The following CNTNAP3B variants were observed in gnomAD, a reference collection of about 807,000 sequenced individuals.
CNTNAP3B encodes contactin-associated protein-like 3B.
In CNTNAP3B, 25 loss-of-function variants were observed where a neutral mutation model predicts 108.9. The ratio of observed to expected loss-of-function variants is 0.23; its 90% CI spans 0.17 to 0.32. CNTNAP3B has a LOEUF of 0.32. CNTNAP3B is among the 10% of genes least tolerant of loss of function. The pLI, the probability that CNTNAP3B is intolerant of heterozygous loss-of-function variation, is 1.00. For synonymous variants in CNTNAP3B, 103 were observed against 473.4 expected, an observed-to-expected ratio of 0.22 and a Z score of 10.16; for missense variants, 252 against 1,210.4, an observed-to-expected ratio of 0.21 and a Z score of 11.75.
intron 13 of CNTNAP3B, among the ~76,000 whole-genome samples, chr9:41,952,154 T>C (rs1191778370): frequency 2.6e-5 from 4 of 152,398 alleles, no homozygotes; most frequent in South Asian, 2.1e-4. Context: ...TATGGGTTAG[T>C]GGATCAGCGC....
At position 42,094,154 on chromosome 9, in the gene CNTNAP3B, A is replaced by T. The variant is rs187425270; in HGVS notation, c.196+10475T>A. Among the ~76,000 whole-genome samples the T allele has an allele frequency of 6.4e-3, 885 of 138,978 alleles. 194 individuals carry two copies. Among genetic ancestry groups the T allele is most frequent in the African/African-American group, 0.024 (838 of 35,038 alleles). The allele number at this position is 138,978 out of a possible 152,430, so 91.2% of individuals were successfully genotyped here. A position where few individuals can be genotyped will look rare whatever the true frequency, so the allele number is the denominator to read the frequency against. Reference sequence around the variant, plus strand: ...GTTAGAATTGCACAAAGCGTAAGAAAAGCATACAAACACCTAGTAAGCACA... The same window carrying T: ...GTTAGAATTGCACAAAGCGTAAGAATAGCATACAAACACCTAGTAAGCACA... On this transcript the variant is annotated intron_variant, in intron 2 of 23. Transcript: ENST00000377561.
chr9:42,120,124 T>G (rs1341545815), intron 1 of CNTNAP3B, among the ~76,000 whole-genome samples: 1 of 150,024 alleles, frequency 6.7e-6, no homozygotes. Flanking sequence ...CAAACAAATT[T>G]ACAAGAGAAA....
At chr9:42,108,719 A>G (rs1254265348) in intron 1 of CNTNAP3B, among the ~76,000 whole-genome samples, 1 of 134,220 alleles carries the variant, frequency 7.5e-6, no homozygotes, top group Non-Finnish European at 1.6e-5. Context: ...AGTCTCGGTG[A>G]TTAGCTCTGC....
intron 8 of CNTNAP3B, among the ~76,000 whole-genome samples, chr9:41,990,267 G>A (rs1463942922): frequency 3.0e-5 from 4 of 135,126 alleles, no homozygotes; most frequent in Non-Finnish European, 4.7e-5. Flanking sequence ...TCTCTGACAT[G>A]TGTTCATTCT....
rs1359614276 is a variant in CNTNAP3B at position 42,094,355 on chromosome 9, A to T, written c.196+10274T>A. ...TTGTAAAGCGTTGCATTTAAAAAAA[A>T]AAAACAAAGAGGGCGGGGGCTGGGT... On this transcript the variant is annotated intron_variant, in intron 2 of 23. Transcript: ENST00000377561. Among the ~76,000 whole-genome samples, 2 of 134,734 alleles carry T rather than the reference A, an allele frequency of 1.5e-5. 1 individual carries two copies. Among genetic ancestry groups the T allele is most frequent in the Non-Finnish European group, 3.1e-5 (2 of 63,806 alleles). The allele number at this position is 134,734 out of a possible 152,430, so 88.4% of individuals were successfully genotyped here.
chr9:42,076,332 A>G (rs570994836), intron 3 of CNTNAP3B, among the ~76,000 whole-genome samples: 2 of 129,904 alleles, frequency 1.5e-5, no homozygotes. Context: ...AGGCTGATGC[A>G]GAAGAATTGT....
chr9:42,060,078 T>C (rs1827148470), intron 3 of CNTNAP3B, among the ~76,000 whole-genome samples: 1 of 148,060 alleles, frequency 6.8e-6, no homozygotes, highest in South Asian at 2.1e-4. Flanking sequence ...GAAGTGGTGA[T>C]AGTGGGCATC....
intron 10 of CNTNAP3B, among the ~76,000 whole-genome samples, chr9:41,967,911 G>A (rs1343462520): frequency 1.1e-4 from 17 of 152,218 alleles, no homozygotes; most frequent in Non-Finnish European, 2.5e-4. Flanking sequence ...TTTAAGTGTG[G>A]CTCACACATT....
At chr9:41,961,910 C>T (rs1221106746) in intron 11 of CNTNAP3B, among the ~76,000 whole-genome samples, 1 of 152,290 alleles carries the variant, frequency 6.6e-6, no homozygotes, top group East Asian at 1.9e-4. Context: ...TATTTTTGTG[C>T]CACTTATGGC....
chr9:41,930,671 C>G (rs1823951396), intron 14 of CNTNAP3B, among the ~76,000 whole-genome samples: 1 of 152,306 alleles, frequency 6.6e-6, no homozygotes, highest in South Asian at 2.1e-4. Context: ...TGAAAGCACA[C>G]AGCCTATTGA....
Position 41,990,187 on chromosome 9 carries a change from A to C in CNTNAP3B, c.1333+1423T>G, listed in dbSNP as rs1052517838. Among the ~76,000 whole-genome samples the C allele has an allele frequency of 2.2e-5, 3 of 137,524 alleles. No individual in the cohort carries two copies. In the Admixed American group the frequency reaches 2.2e-4, roughly 10 times the overall value. 90.2% of individuals were successfully genotyped at this position (137,524 alleles called of 152,430 possible). A position where few individuals can be genotyped will look rare whatever the true frequency, so the allele number is the denominator to read the frequency against. ...TTCTACCTTGTGAAACTGATTCACT[A>C]TGTTGGTAGGCAATTTTATCTGTAC... is the stretch of plus-strand genomic sequence containing the variant. On this transcript the variant is annotated intron_variant, in intron 8 of 23. Coordinates refer to ENST00000377561, the MANE Select transcript of CNTNAP3B (RefSeq NM_001201380.3).
intron 13 of CNTNAP3B, among the ~76,000 whole-genome samples, chr9:41,943,925 A>T (rs1405348739): frequency 6.6e-6 from 1 of 152,268 alleles, no homozygotes; most frequent in African/African-American, 2.4e-5. Flanking sequence ...TTAAAAATAA[A>T]ATCTCGAAAT....
chr9:41,933,899 T>C (rs1365728397), intron 14 of CNTNAP3B, among the ~76,000 whole-genome samples: 1 of 152,210 alleles, frequency 6.6e-6, no homozygotes, highest in African/African-American at 2.4e-5. Context: ...TTTACAAAAT[T>C]TTTTATACTT....
At chr9:42,094,759 G>A (rs1827867650) in intron 2 of CNTNAP3B, among the ~76,000 whole-genome samples, 1 of 98,572 alleles carries the variant, frequency 1.0e-5, no homozygotes, top group Admixed American at 1.1e-4. Context: ...AGGGAGGGAG[G>A]GAGGGAAGAC....
At chr9:42,089,380 A>G (rs1296248378) in intron 2 of CNTNAP3B, among the ~76,000 whole-genome samples, 4 of 124,646 alleles carry the variant, frequency 3.2e-5, no homozygotes, top group Admixed American at 1.6e-4. Flanking sequence ...CAAAACAATG[A>G]AATCTCACAT....
intron 17 of CNTNAP3B, among the ~76,000 whole-genome samples, chr9:41,920,949 G>T (rs1328680163): frequency 6.6e-6 from 1 of 152,424 alleles, no homozygotes; most frequent in African/African-American, 2.4e-5. Flanking sequence ...AAACTTGAAT[G>T]CTGAAGAAAC....
rs1057312837 is a variant in CNTNAP3B at position 42,129,197 on chromosome 9, G to A, written c.-103C>T. ...TCACTCCCGTCCCCTGCGCGGCTCCGACGCTGCTCTGTCTCCCCTGTCCAG... is the reference window on the plus strand; with the variant it reads ...TCACTCCCGTCCCCTGCGCGGCTCCAACGCTGCTCTGTCTCCCCTGTCCAG... On this transcript the variant is annotated 5_prime_UTR_variant, in exon 1 of 24. Transcript: ENST00000377561. 28 of 1,441,664 alleles carry A rather than the reference G, an allele frequency of 1.9e-5. 3 individuals carry two copies. The Admixed American group carries it at 3.3e-4, about 17-fold the overall frequency. 89.3% of individuals were successfully genotyped at this position (1,441,664 alleles called of 1,614,324 possible).
intron 15 of CNTNAP3B, among the ~76,000 whole-genome samples, 154 bp downstream of exon 15, chr9:41,929,163 A>G (rs903533155): frequency 6.6e-6 from 1 of 150,432 alleles, no homozygotes; most frequent in African/African-American, 2.5e-5. Context: ...TTCAGTACTG[A>G]CTGTGCCTTT....
rs1031426175 is a variant in CNTNAP3B, at chr9:42,122,658, C to T, written c.85+6352G>A. 1.1e-4 allele frequency among the ~76,000 whole-genome samples: 15 copies of T among 140,626 alleles called. 2 individuals are homozygous for T. The highest frequency in any genetic ancestry group is 1.8e-4 in the Non-Finnish European group (12 of 65,280). The allele number at this position is 140,626 out of a possible 152,430, so 92.3% of individuals were successfully genotyped here. A position where few individuals can be genotyped will look rare whatever the true frequency, so the allele number is the denominator to read the frequency against. On this transcript the variant is annotated intron_variant, in intron 1 of 23. Transcript: ENST00000377561. ...TCTTAATTATGGCAAATGTGCAGTTCTTAAAGATGAGAATCATCAAACATA... is the reference window on the plus strand; with the variant it reads ...TCTTAATTATGGCAAATGTGCAGTTTTTAAAGATGAGAATCATCAAACATA...
Sources: gnomAD v4.1 joint callset for allele counts (sites outside exome capture counted in the v4.1 genomes callset) on GRCh38, gnomAD v4.1.1 for gene constraint, MANE v1.5 for transcripts, NCBI Gene and HGNC (gene_info 2026-07-23, HGNC 2026-07-21) for gene names.